Variants in ALPL observed in about 807,000 individuals in gnomAD.
ALPL encodes alkaline phosphatase, biomineralization associated.
A neutral mutation model predicts 51.3 loss-of-function variants in ALPL; 42 were observed. The observed-to-expected ratio is 0.82, with a 90% confidence interval of 0.64 to 1.06. ALPL has a LOEUF of 1.06. Ranked by LOEUF, ALPL falls within the 50% of genes least tolerant of loss-of-function variation. ALPL has a pLI of 0.00. For synonymous variants in ALPL, 279 were observed against 296.4 expected (o/e 0.94, Z 0.60); for missense variants, 589 against 709.4 (o/e 0.83, Z 1.93).
At chr1:21,534,583 G>T (rs1302452402) in intron 1 of ALPL, among the ~76,000 whole-genome samples, 1 of 152,166 alleles carries the variant, frequency 6.6e-6, no homozygotes, top group African/African-American at 2.4e-5. Flanking sequence ...GGCCCAGAGG[G>T]CAGCTCTGGG....
At chr1:21,544,326 A>G (rs1474991988) in intron 1 of ALPL, among the ~76,000 whole-genome samples, 1 of 152,246 alleles carries the variant, frequency 6.6e-6, no homozygotes, top group Non-Finnish European at 1.5e-5. Context: ...GTGACAGCTC[A>G]CCCAGTGACT....
chr1:21,530,084 G>C (rs1644007911), intron 1 of ALPL, among the ~76,000 whole-genome samples: 1 of 152,092 alleles, frequency 6.6e-6, no homozygotes, highest in African/African-American at 2.4e-5. Context: ...CCTGTTAATG[G>C]TTTTTCTTTA....
chr1:21,563,055 G>A (rs1644506593), intron 4 of ALPL, 55 bp from the exon 5 acceptor site: 1 of 1,604,326 alleles, frequency 6.2e-7, no homozygotes, highest in Admixed American at 1.7e-5. Context: ...AGGCGGGGTG[G>A]GTGCCACTGG....
chr1:21,554,239 G>A (rs1052241463), intron 2 of ALPL, 97 bp downstream of exon 2: 2 of 1,263,866 alleles, frequency 1.6e-6, no homozygotes, highest in Admixed American at 1.7e-5. Context: ...ACCATCCAAA[G>A]TATTTAAGAG....
chr1:21,510,258 CAGGAGGCCGAGGAAAGCCTCCCCCA>C (rs1390079717), intron 1 of ALPL, among the ~76,000 whole-genome samples: 1 of 152,212 alleles, frequency 6.6e-6, no homozygotes, highest in Non-Finnish European at 1.5e-5. Flanking sequence ...AGCAGAAAGG[CAGGAGGCCGAGGAAAGCCTCCCCCA>C]CTCCCCATTG....
chr1:21,545,861 GCTGGAGTA>G (rs1384806609), intron 1 of ALPL, among the ~76,000 whole-genome samples: 1 of 151,878 alleles, frequency 6.6e-6, no homozygotes, highest in Non-Finnish European at 1.5e-5. Context: ...CTGTTGCCAG[GCTGGAGTA>G]CAGTGGCACG....
chr1:21,512,488 T>C (rs1350524301), intron 1 of ALPL, among the ~76,000 whole-genome samples: 2 of 152,192 alleles, frequency 1.3e-5, no homozygotes, highest in Non-Finnish European at 2.9e-5. Context: ...ACTTTATCCC[T>C]ACCAGGTGAT....
chr1:21,547,345 G>C (rs936920274), intron 1 of ALPL, among the ~76,000 whole-genome samples: 4 of 152,164 alleles, frequency 2.6e-5, no homozygotes, highest in Non-Finnish European at 2.9e-5. Context: ...TTTGGAGCTA[G>C]TGTGACCGAG....
At chr1:21,563,910 G>A in intron 5 of ALPL, 131 bp from the exon 6 acceptor site, 1 of 1,197,396 alleles carries the variant, frequency 8.4e-7, no homozygotes, top group Non-Finnish European at 1.2e-6. Flanking sequence ...TGGATGGGGA[G>A]ACTGAGACCC....
chr1:21,563,912 C>A, intron 5 of ALPL, 129 bp from the exon 6 acceptor site: 1 of 1,236,728 alleles, frequency 8.1e-7, no homozygotes, highest in Non-Finnish European at 1.1e-6. Flanking sequence ...GATGGGGAGA[C>A]TGAGACCCGG....
chr1:21,549,094 T>A (rs1227865507), intron 1 of ALPL, among the ~76,000 whole-genome samples: 3 of 152,190 alleles, frequency 2.0e-5, no homozygotes. Context: ...TTGCCAAAGC[T>A]TTCTCCAGCG....
At chr1:21,555,321 C>G (rs1032596640) in intron 2 of ALPL, among the ~76,000 whole-genome samples, 2 of 152,202 alleles carry the variant, frequency 1.3e-5, no homozygotes, top group African/African-American at 4.8e-5. Flanking sequence ...TTAAATTTCA[C>G]TTCTTTTGTG....
chr1:21,538,640 G>A (rs1644142042), intron 1 of ALPL, among the ~76,000 whole-genome samples: 1 of 152,206 alleles, frequency 6.6e-6, no homozygotes, highest in South Asian at 2.1e-4. Context: ...TAGGGGGAGG[G>A]GAGTGGGGAG....
intron 6 of ALPL, among the ~76,000 whole-genome samples, chr1:21,567,653 C>T (rs1644584979): frequency 6.6e-6 from 1 of 152,376 alleles, no homozygotes; most frequent in East Asian, 1.9e-4. Context: ...GCTGCCACTT[C>T]CTGGCTCTGT....
intron 1 of ALPL, among the ~76,000 whole-genome samples, chr1:21,546,790 A>C (rs1342769940): frequency 6.6e-6 from 1 of 152,230 alleles, no homozygotes; most frequent in Non-Finnish European, 1.5e-5. Flanking sequence ...AAATGGGGAT[A>C]CTAGTCCCTA....
intron 1 of ALPL, among the ~76,000 whole-genome samples, chr1:21,524,107 A>T (rs1643912071): frequency 6.8e-6 from 1 of 146,870 alleles, no homozygotes; most frequent in African/African-American, 2.5e-5. Context: ...AGGTTCAAGC[A>T]ATTCTCCTGC....
In ALPL at chr1:21,564,085, AC is replaced by A. The variant is rs750174638; in HGVS notation, c.522del (p.Ser175AlafsTer23). The A allele has an allele frequency of 3.7e-6, 6 of 1,613,732 alleles. No individual in the cohort carries two copies. The Admixed American group carries it at 5.0e-5, about 13-fold the overall frequency. On this transcript the variant is annotated frameshift_variant, in exon 6 of 12. Transcript: ENST00000374840. LOFTEE classifies it high-confidence loss of function. This position sits in a 1 kb window ranked among gnomAD's most constrained non-coding sequence, Gnocchi z 5.8. ...IVTTTRVNHA[T>X]PSAAYAHSAD... The stretch of plus-strand genomic sequence containing the variant: ...GACCACCACGAGAGTGAACCATGCC[AC>A]CCCCAGCGCCGCCTACGCCCACTCG...
At chr1:21,552,600 C>T (rs1470342327) in intron 1 of ALPL, among the ~76,000 whole-genome samples, 2 of 152,202 alleles carry the variant, frequency 1.3e-5, no homozygotes, top group African/African-American at 4.8e-5. Context: ...TTCTTAGAGA[C>T]AGGGTCTCGC....
At chr1:21,576,831 G>C (rs1644744248) in intron 11 of ALPL, among the ~76,000 whole-genome samples, 190 bp downstream of exon 11, 1 of 152,116 alleles carries the variant, frequency 6.6e-6, no homozygotes, top group South Asian at 2.1e-4. Flanking sequence ...CTACAATCTA[G>C]CAGCTCTGAG....
Sources: allele counts gnomAD v4.1 joint callset (sites outside exome capture counted in the v4.1 genomes callset), GRCh38; gene constraint gnomAD v4.1.1; non-coding constraint Gnocchi (gnomAD v3.1); transcripts MANE v1.5; gene names NCBI Gene and HGNC (gene_info 2026-07-23, HGNC 2026-07-21).